Variants in PIK3CB observed in about 807,000 individuals in gnomAD.
PIK3CB encodes phosphatidylinositol 4,5-bisphosphate 3-kinase catalytic subunit beta isoform.
A neutral mutation model predicts 136.8 loss-of-function variants in PIK3CB; 39 were observed. The ratio of observed to expected loss-of-function variants is 0.29; its 90% CI spans 0.22 to 0.37. The LOEUF is 0.37. Among genes scored for constraint, PIK3CB ranks in the 10% least tolerant of loss-of-function variants. PIK3CB has a pLI of 1.00. For synonymous variants in PIK3CB, 428 were observed against 436.6 expected (o/e 0.98, Z 0.25); for missense variants, 868 against 1,275.4 (o/e 0.68, Z 4.87).
At chr3:138,737,665 AC>A in intron 6 of PIK3CB, 41 bp downstream of exon 6, 9 of 789,652 alleles carry the variant, frequency 1.1e-5, no homozygotes, top group South Asian at 2.6e-5. Context: ...ATATATATAT[AC>A]TCATAGACTT....
intron 2 of PIK3CB, among the ~76,000 whole-genome samples, chr3:138,784,195 G>C (rs2108795789): frequency 6.6e-6 from 1 of 152,300 alleles, no homozygotes; most frequent in South Asian, 2.1e-4. Flanking sequence ...AGACCAGCCT[G>C]ACCAACATGG....
chr3:138,825,566 T>A (rs1157097333), intron 1 of PIK3CB: 1 of 643,848 alleles, frequency 1.6e-6, no homozygotes, highest in Non-Finnish European at 2.8e-6. Context: ...AGTGATAACA[T>A]GCCTTGGTTC....
intron 2 of PIK3CB, among the ~76,000 whole-genome samples, chr3:138,787,360 C>T (rs1471013709): frequency 1.3e-4 from 19 of 145,672 alleles, no homozygotes; most frequent in Admixed American, 2.1e-4. Flanking sequence ...AGCAAGACTC[C>T]GCTCAAAAAA....
At chr3:138,794,769 G>T (rs1413837676) in intron 2 of PIK3CB, among the ~76,000 whole-genome samples, 2 of 152,154 alleles carry the variant, frequency 1.3e-5, no homozygotes, top group Non-Finnish European at 2.9e-5. Flanking sequence ...TGGTATCTGG[G>T]GGGAATTGTT....
chr3:138,755,803 A>C lies in PIK3CB; in HGVS notation c.348T>G (p.Cys116Trp). The change falls in exon 4 of 24, where the codon TGT becomes TGG. Residue 116 changes from cysteine (C) to tryptophan (W), a missense_variant. Physicochemically the swap from Cys to Trp is radical, Grantham distance 215. This residue lies in a region of PIK3CB where 612 missense variants were observed against 801.1 expected (regional missense o/e 0.76). Transcript: ENST00000674063. ...TTGAGTCTAATTTTTCCCCTGGGTCACAACTTCTTGTCACTAATTTGAGAA... is the reference window on the plus strand; with the variant it reads ...TTGAGTCTAATTTTTCCCCTGGGTCCCAACTTCTTGTCACTAATTTGAGAA... The part of the protein sequence containing the change: ...LPVLKLVTRS[C>W]DPGEKLDSKI... The C allele has an allele frequency of 6.2e-7, 1 of 1,612,790 alleles. No individual in the cohort carries two copies. The highest frequency in any genetic ancestry group is 2.2e-5 in the East Asian group (1 of 44,782).
chr3:138,702,536 C>T (rs2044277259), intron 12 of PIK3CB, among the ~76,000 whole-genome samples: 1 of 152,162 alleles, frequency 6.6e-6, no homozygotes, highest in Non-Finnish European at 1.5e-5. Context: ...ATTCATTTAT[C>T]TGAGGTTCAA....
Position 138,714,601 on chromosome 3 carries a change from T to C in PIK3CB, c.1169A>G (p.Asn390Ser), listed in dbSNP as rs1418528949. 1.9e-6 allele frequency: 3 copies of C among 1,613,706 alleles called. No homozygotes were observed. Among genetic ancestry groups the C allele is most frequent in the Non-Finnish European group, 2.5e-6 (3 of 1,179,656 alleles). The change falls in exon 9 of 24, where the codon AAT becomes AGT. Residue 390 changes from asparagine (N) to serine (S), a missense_variant. This residue lies in a region of PIK3CB where 612 missense variants were observed against 801.1 expected (regional missense o/e 0.76). Coordinates refer to ENST00000674063, the MANE Select transcript of PIK3CB (RefSeq NM_006219.3). ...AGCCATTCTTGGTAAGTCACAAATATTAATATCAAATTCCAGTGGTTCATT... is the reference window on the plus strand; with the variant it reads ...AGCCATTCTTGGTAAGTCACAAATACTAATATCAAATTCCAGTGGTTCATT... ...IWNEPLEFDI[N>S]ICDLPRMARL...
At chr3:138,708,897 A>T (rs1422349874) in intron 10 of PIK3CB, among the ~76,000 whole-genome samples, 3 of 152,110 alleles carry the variant, frequency 2.0e-5, no homozygotes, top group African/African-American at 7.2e-5. Context: ...AGCCCCATAC[A>T]TAGAGGTAAT....
intron 19 of PIK3CB, among the ~76,000 whole-genome samples, chr3:138,671,973 C>G (rs1315441898): frequency 6.6e-6 from 1 of 152,106 alleles, no homozygotes; most frequent in Non-Finnish European, 1.5e-5. Context: ...AAAGTTAGTC[C>G]TCTTTCTAAA....
intron 9 of PIK3CB, among the ~76,000 whole-genome samples, chr3:138,713,569 G>A (rs1041275886): frequency 6.6e-6 from 1 of 152,068 alleles, no homozygotes; most frequent in African/African-American, 2.4e-5. Flanking sequence ...TACTCAGGAG[G>A]CTGAGGCAGG....
chr3:138,728,705 G>A (rs1218146881), intron 8 of PIK3CB, among the ~76,000 whole-genome samples: 2 of 151,940 alleles, frequency 1.3e-5, no homozygotes, highest in African/African-American at 2.4e-5. Flanking sequence ...GCATGAACCC[G>A]GGAGGGGGAG....
At chr3:138,827,772 A>C (rs1933848363) in intron 1 of PIK3CB, among the ~76,000 whole-genome samples, 2 of 151,534 alleles carry the variant, frequency 1.3e-5, no homozygotes, top group South Asian at 4.2e-4. Flanking sequence ...AAGGTCAGGA[A>C]ATCGAGACTA....
intron 5 of PIK3CB, among the ~76,000 whole-genome samples, chr3:138,741,987 T>C (rs1164170574): frequency 1.3e-5 from 2 of 152,216 alleles, no homozygotes; most frequent in East Asian, 3.8e-4. Context: ...TCTATTATAA[T>C]GCCTACTTCC....
At chr3:138,777,313 T>G (rs2045870086) in intron 2 of PIK3CB, among the ~76,000 whole-genome samples, 1 of 152,128 alleles carries the variant, frequency 6.6e-6, no homozygotes. Flanking sequence ...CTCTACTAAT[T>G]CCCAGGTTTA....
In PIK3CB at chr3:138,683,791, A is replaced by G. The variant is rs748335402; in HGVS notation, c.2316-4T>C. 32 of 1,465,786 alleles carry G rather than the reference A, an allele frequency of 2.2e-5. No homozygotes were observed. The highest frequency in any genetic ancestry group is 3.1e-5 in the Non-Finnish European group (32 of 1,045,822). The allele number at this position is 1,465,786 out of a possible 1,614,324, so 90.8% of individuals were successfully genotyped here. On this transcript the variant is annotated splice_polypyrimidine_tract_variant and splice_region_variant and intron_variant, in intron 17 of 23. Transcript: ENST00000674063. ...CATGTATTTGCACTTTTCAACACTG[A>G]AATCAAGTGGGGAAAATTAGTCAAC...
chr3:138,666,729 C>T (rs888191920), intron 19 of PIK3CB, among the ~76,000 whole-genome samples: 41 of 152,270 alleles, frequency 2.7e-4, no homozygotes, highest in Admixed American at 2.1e-3. Context: ...TTCATGCACT[C>T]AGTAAATACT....
intron 1 of PIK3CB, among the ~76,000 whole-genome samples, chr3:138,811,422 A>C (rs1933051880): frequency 1.3e-5 from 2 of 151,328 alleles, no homozygotes; most frequent in African/African-American, 4.9e-5. Flanking sequence ...TTGATATGCA[A>C]GAAAATTACC....
At position 138,742,638 on chromosome 3, in the gene PIK3CB, C is replaced by G; in HGVS notation, c.541G>C (p.Glu181Gln). The G allele has an allele frequency of 1.2e-6, 2 of 1,610,126 alleles. No individual in the cohort carries two copies. The highest frequency in any genetic ancestry group is 1.7e-6 in the Non-Finnish European group (2 of 1,176,470). ...TCTAAGTTTTCAGGGATGGATGGTT[C>G]ATGCTCTGGTGGATATGTTTGTTTT... Reference protein sequence around the residue: ...WLKQTYPPEHEPSIPENLEDK... With the variant: ...WLKQTYPPEHQPSIPENLEDK... The change falls in exon 5 of 24, where the codon GAA becomes CAA. Residue 181 changes from glutamate (E) to glutamine (Q), a missense_variant. By Grantham distance (29) the Glu-to-Gln change is conservative. Around this residue, in one of 4 missense-constraint regions of PIK3CB, gnomAD observed 612 missense variants for 801.1 expected, o/e 0.76. Transcript: ENST00000674063.
At chr3:138,763,797 T>A (rs976518782) in intron 2 of PIK3CB, among the ~76,000 whole-genome samples, 1 of 152,016 alleles carries the variant, frequency 6.6e-6, no homozygotes, top group Admixed American at 6.6e-5. Flanking sequence ...TTAGAGAAAA[T>A]GCATTAAGGT....
Sources: allele counts gnomAD v4.1 joint callset (sites outside exome capture counted in the v4.1 genomes callset), GRCh38; gene constraint gnomAD v4.1.1; regional missense constraint gnomAD v4.1.1; transcripts MANE v1.5; gene names NCBI Gene and HGNC (gene_info 2026-07-23, HGNC 2026-07-21).